The following VOPP1 variants were observed in gnomAD, a reference collection of about 807,000 sequenced individuals.
VOPP1 encodes WW domain binding protein VOPP1.
A neutral mutation model predicts 23.5 loss-of-function variants in VOPP1; 8 were observed. The observed-to-expected ratio is 0.34, with a 90% CI of 0.20 to 0.61. The LOEUF is 0.61. Ranked by LOEUF, VOPP1 falls within the 20% of genes least tolerant of loss-of-function variation. The probability of loss-of-function intolerance (pLI) is 0.78; values close to 1 mark genes in which losing one functional copy is unlikely to be tolerated. For missense variants in VOPP1, 174 were observed against 238.1 expected (o/e 0.73, Z 1.77); for synonymous variants, 83 against 97.3 (o/e 0.85, Z 0.86).
chr7:55,442,259 G>T (rs112517427), intron 4 of VOPP1, among the ~76,000 whole-genome samples: 2 of 152,010 alleles, frequency 1.3e-5, no homozygotes, highest in African/African-American at 4.8e-5. Flanking sequence ...TTATGAGAGT[G>T]GCATCCAGAC....
intron 4 of VOPP1, among the ~76,000 whole-genome samples, chr7:55,454,830 C>T (rs1214369099): frequency 6.6e-6 from 1 of 152,264 alleles, no homozygotes; most frequent in South Asian, 2.1e-4. Flanking sequence ...ATGACAAACC[C>T]ACAGCCAATA....
chr7:55,521,705 T>C (rs1372585648), intron 1 of VOPP1: 7 of 985,966 alleles, frequency 7.1e-6, no homozygotes, highest in Non-Finnish European at 8.4e-6. Flanking sequence ...GCTCCTAACA[T>C]CCCGGAGGCA....
chr7:55,527,528 C>T (rs1431166712), intron 1 of VOPP1, among the ~76,000 whole-genome samples: 1 of 152,184 alleles, frequency 6.6e-6, no homozygotes, highest in Admixed American at 6.5e-5. Context: ...ATTCTGTCAA[C>T]TCTCCTAGAC....
intron 2 of VOPP1, among the ~76,000 whole-genome samples, chr7:55,514,692 G>A (rs950604126): frequency 2.0e-5 from 3 of 152,156 alleles, no homozygotes; most frequent in Admixed American, 1.3e-4. Context: ...ACCAAAGAGG[G>A]GTATGGGCCA....
intron 4 of VOPP1, among the ~76,000 whole-genome samples, chr7:55,441,309 CT>C (rs1367884957): frequency 2.6e-5 from 4 of 152,322 alleles, no homozygotes; most frequent in African/African-American, 4.8e-5. Context: ...CCTTGCCCCT[CT>C]CTCCGATTTA....
chr7:55,484,900 C>T (rs56327909), intron 4 of VOPP1, among the ~76,000 whole-genome samples: 25,851 of 152,022 alleles, frequency 0.17, 2,337 homozygotes, highest in Middle Eastern at 0.25. Flanking sequence ...TGAGGGCAGC[C>T]CCGGGACATG....
chr7:55,557,990 G>A (rs935153456), intron 1 of VOPP1, among the ~76,000 whole-genome samples: 2 of 152,214 alleles, frequency 1.3e-5, no homozygotes, highest in Non-Finnish European at 2.9e-5. Flanking sequence ...GTACTCTGTG[G>A]GGCATTGCAA....
At chr7:55,530,451 TTG>T (rs1562960349) in intron 1 of VOPP1, among the ~76,000 whole-genome samples, 2 of 152,156 alleles carry the variant, frequency 1.3e-5, no homozygotes, top group African/African-American at 4.8e-5. Flanking sequence ...TCACTTAACA[TTG>T]TAACAACCCT....
downstream of VOPP1, among the ~76,000 whole-genome samples, chr7:55,435,585 A>G (rs1790802813): frequency 6.6e-6 from 1 of 152,134 alleles, no homozygotes; most frequent in Admixed American, 6.5e-5. Context: ...CGCAGCCCCG[A>G]GTGAGCCGGC....
intron 4 of VOPP1, among the ~76,000 whole-genome samples, chr7:55,474,866 A>T (rs934827221): frequency 6.6e-5 from 10 of 152,232 alleles, no homozygotes; most frequent in African/African-American, 2.4e-4. Flanking sequence ...GGCAATGGGA[A>T]GATGCGGCAG....
At chr7:55,483,371 G>A (rs1792884395) in intron 4 of VOPP1, among the ~76,000 whole-genome samples, 1 of 152,132 alleles carries the variant, frequency 6.6e-6, no homozygotes, top group Admixed American at 6.6e-5. Flanking sequence ...TATGGATCCT[G>A]ATAACATGTT....
intron 4 of VOPP1, among the ~76,000 whole-genome samples, chr7:55,464,273 T>C (rs1791579373): frequency 6.6e-6 from 1 of 152,120 alleles, no homozygotes; most frequent in Non-Finnish European, 1.5e-5. Context: ...GGTGGGCAGG[T>C]GGCCTACCTG....
intron 4 of VOPP1, among the ~76,000 whole-genome samples, chr7:55,456,448 G>A (rs922934583): frequency 6.6e-6 from 1 of 152,180 alleles, no homozygotes; most frequent in Non-Finnish European, 1.5e-5. Flanking sequence ...CCATTACTGG[G>A]TATATATCCA....
intron 4 of VOPP1, among the ~76,000 whole-genome samples, chr7:55,473,704 T>C (rs1792017091): frequency 6.6e-6 from 1 of 152,244 alleles, no homozygotes; most frequent in South Asian, 2.1e-4. Flanking sequence ...CTGTTTTCAG[T>C]GTGCTTACTG....
intron 2 of VOPP1, among the ~76,000 whole-genome samples, chr7:55,517,953 A>T (rs924817328): frequency 1.3e-5 from 2 of 152,140 alleles, no homozygotes; most frequent in African/African-American, 4.8e-5. Context: ...CAAAAAAACA[A>T]CTTTCTCCTT....
At chr7:55,541,949 T>C (rs1421423914) in intron 1 of VOPP1, among the ~76,000 whole-genome samples, 1 of 152,188 alleles carries the variant, frequency 6.6e-6, no homozygotes, top group Non-Finnish European at 1.5e-5. Flanking sequence ...GTACAAGATT[T>C]CTTCTAGGAG....
At chr7:55,443,644 CTT>C (rs550168169) in intron 4 of VOPP1, among the ~76,000 whole-genome samples, 41 of 133,742 alleles carry the variant, frequency 3.1e-4, no homozygotes, top group Admixed American at 5.2e-4. Flanking sequence ...ATTATTGTCC[CTT>C]TTTTTTTTTT....
At chr7:55,525,157 C>A (rs1796095346) in intron 1 of VOPP1, among the ~76,000 whole-genome samples, 1 of 152,110 alleles carries the variant, frequency 6.6e-6, no homozygotes, top group African/African-American at 2.4e-5. Flanking sequence ...GCCAGCCACA[C>A]CGCCAGCCAG....
intron 4 of VOPP1, among the ~76,000 whole-genome samples, chr7:55,441,937 A>G (rs1410566035): frequency 6.6e-6 from 1 of 152,226 alleles, no homozygotes; most frequent in Non-Finnish European, 1.5e-5. Flanking sequence ...CCAGTGGCCT[A>G]CTCAAGGGAT....
Sources: gnomAD v4.1 joint callset for allele counts (sites outside exome capture counted in the v4.1 genomes callset) on GRCh38, gnomAD v4.1.1 for gene constraint, MANE v1.5 for transcripts, NCBI Gene and HGNC (gene_info 2026-07-23, HGNC 2026-07-21) for gene names.